Variants in LIX1 observed in about 807,000 individuals in gnomAD.
LIX1 encodes protein limb expression 1 homolog.
In LIX1, 24 loss-of-function variants were observed where a neutral mutation model predicts 33.4. The observed-to-expected ratio is 0.72, with a 90% CI of 0.52 to 1.01. The LOEUF (loss-of-function observed/expected upper bound fraction) is 1.01, where lower values mean the gene tolerates loss of function less well. Among genes scored for constraint, LIX1 ranks in the 50% least tolerant of loss-of-function variants. The pLI is 0.00. For missense variants in LIX1, 311 were observed against 339.2 expected, an observed-to-expected ratio of 0.92 and a Z score of 0.65; for synonymous variants, 124 against 124.0, an observed-to-expected ratio of 1.00 and a Z score of 0.00.
Position 97,124,550 on chromosome 5 carries a change from C to G in LIX1, c.162G>C (p.Val54=), listed in dbSNP as rs1378511326. ...CAGGAGCTGGCAGTGACTCATAGAC[C>G]ACCACACCTTCACTTGGGAATGCAG... ...QKAAFPSEGV[V]VYESLPAPGP... is the part of the protein sequence containing the mutation. The change falls in exon 2 of 6, where the codon GTG becomes GTC. Residue 54 remains valine, a synonymous_variant. Coordinates refer to ENST00000274382, the MANE Select transcript of LIX1 (RefSeq NM_153234.5). 6.2e-7 allele frequency: 1 copy of G among 1,612,264 alleles called. No individual in the cohort carries two copies. The highest frequency in any genetic ancestry group is 8.5e-7 in the Non-Finnish European group (1 of 1,178,960).
Position 97,124,531 on chromosome 5 carries a change from C to T in LIX1, c.181G>A (p.Ala61Thr). The T allele has an allele frequency of 6.2e-7, 1 of 1,612,674 alleles. No homozygotes were observed. Residue 61 changes from alanine (A) to threonine (T), a missense_variant, in exon 2 of 6, where the codon GCT (alanine) becomes ACT (threonine). Physicochemically the swap from Ala to Thr is moderately conservative, Grantham distance 58 (BLOSUM62 0). Transcript: ENST00000274382. ...EGVVVYESLP[A>T]PGPPFVSYVT... Reference sequence around the variant, plus strand: ...TAACTCACAAAGGGAGGCCCAGGAGCTGGCAGTGACTCATAGACCACCACA... The same window carrying T: ...TAACTCACAAAGGGAGGCCCAGGAGTTGGCAGTGACTCATAGACCACCACA...
At chr5:97,140,775 A>T (rs1031678831) in intron 1 of LIX1, among the ~76,000 whole-genome samples, 5 of 152,246 alleles carry the variant, frequency 3.3e-5, no homozygotes, top group Non-Finnish European at 7.3e-5. Context: ...TTAGAAAAGA[A>T]GGGAGAGAAT....
chr5:97,112,563 G>A (rs1243159715), intron 2 of LIX1, among the ~76,000 whole-genome samples: 1 of 152,080 alleles, frequency 6.6e-6, no homozygotes, highest in Non-Finnish European at 1.5e-5. Flanking sequence ...TGTTAATATA[G>A]AAGGACAACT....
chr5:97,100,549 C>T (rs895969097), intron 4 of LIX1, among the ~76,000 whole-genome samples: 1 of 151,846 alleles, frequency 6.6e-6, no homozygotes, highest in African/African-American at 2.4e-5. Context: ...TCTTTATTTC[C>T]CCTCATAAGA....
intron 1 of LIX1, among the ~76,000 whole-genome samples, chr5:97,125,591 T>C (rs1747896581): frequency 1.3e-5 from 2 of 152,204 alleles, no homozygotes; most frequent in Non-Finnish European, 2.9e-5. Flanking sequence ...GAAATCTGCT[T>C]TCCTGTAAGG....
At chr5:97,141,935 C>T (rs564013122) in intron 1 of LIX1, among the ~76,000 whole-genome samples, 1 of 152,150 alleles carries the variant, frequency 6.6e-6, no homozygotes, top group Non-Finnish European at 1.5e-5. Flanking sequence ...AGGGGGTCCA[C>T]ACAGGGAGTG....
In LIX1 at chr5:97,142,560, T is replaced by C. The variant is rs1561508131; in HGVS notation, c.17A>G (p.Glu6Gly). 1 of 1,614,018 alleles carries C rather than the reference T, an allele frequency of 6.2e-7. No homozygotes were observed. The change falls in exon 1 of 6, where the codon GAA (glutamate) becomes GGA (glycine). Residue 6 changes from glutamate to glycine, a missense_variant. Transcript: ENST00000274382. ...TTGGGCAATGATGTGTCTCAGAGAT[T>C]CCAAGGTTCTGTCCATCTTGGGTCT... Reference protein sequence around the residue: MDRTLESLRHIIAQVL... With the variant: MDRTLGSLRHIIAQVL...
chr5:97,141,769 G>A (rs1245959300), intron 1 of LIX1, among the ~76,000 whole-genome samples: 1 of 152,190 alleles, frequency 6.6e-6, no homozygotes, highest in Non-Finnish European at 1.5e-5. Flanking sequence ...CTGTTTTGCA[G>A]CAGCAGGAAA....
At chr5:97,115,330 T>C (rs890260448) in intron 2 of LIX1, among the ~76,000 whole-genome samples, 4 of 152,222 alleles carry the variant, frequency 2.6e-5, no homozygotes, top group African/African-American at 9.6e-5. Context: ...GTGAAATACT[T>C]TAAAACTATC....
At chr5:97,101,672 G>C (rs1221446259) in intron 4 of LIX1, 1 of 152,102 alleles carries the variant, frequency 6.6e-6, no homozygotes, top group African/African-American at 2.4e-5. Flanking sequence ...GCCTTTCCTG[G>C]GGTTGCCTCT....
At chr5:97,117,721 G>A (rs1240440717) in intron 2 of LIX1, among the ~76,000 whole-genome samples, 2 of 152,100 alleles carry the variant, frequency 1.3e-5, no homozygotes, top group African/African-American at 4.8e-5. Flanking sequence ...ATGCTCCTTG[G>A]AAAAATAGTT....
intron 5 of LIX1, among the ~76,000 whole-genome samples, chr5:97,096,250 A>G (rs765449592): frequency 2.6e-5 from 4 of 152,220 alleles, no homozygotes; most frequent in Admixed American, 6.5e-5. Context: ...CTCATAAATA[A>G]CAAAGAAATA....
At chr5:97,116,869 T>G (rs906303923) in intron 2 of LIX1, among the ~76,000 whole-genome samples, 2 of 152,088 alleles carry the variant, frequency 1.3e-5, no homozygotes, top group African/African-American at 4.8e-5. Flanking sequence ...GTGAGCATCT[T>G]TCTAAAGTTT....
At chr5:97,105,369 C>G in intron 3 of LIX1, 84 bp from the exon 4 acceptor site, 2 of 1,144,466 alleles carry the variant, frequency 1.7e-6, no homozygotes, top group Non-Finnish European at 2.6e-6. Context: ...TGTGACCACA[C>G]AGTAAGCCTA....
At chr5:97,132,780 G>A (rs1345329474) in intron 1 of LIX1, among the ~76,000 whole-genome samples, 1 of 152,198 alleles carries the variant, frequency 6.6e-6, no homozygotes, top group African/African-American at 2.4e-5. Context: ...GAGAGAATGT[G>A]TGGTTGCTCT....
At chr5:97,122,018 C>A (rs1303931446) in intron 2 of LIX1, among the ~76,000 whole-genome samples, 5 of 152,126 alleles carry the variant, frequency 3.3e-5, no homozygotes, top group African/African-American at 1.2e-4. Flanking sequence ...CTTTCTTTCC[C>A]CTTCGCTGCC....
At chr5:97,141,169 A>G (rs1406159293) in intron 1 of LIX1, among the ~76,000 whole-genome samples, 4 of 152,174 alleles carry the variant, frequency 2.6e-5, no homozygotes, top group African/African-American at 9.7e-5. Context: ...GCTCAGCATA[A>G]GAACCCTGGT....
At chr5:97,129,327 A>T (rs1345549327) in intron 1 of LIX1, among the ~76,000 whole-genome samples, 1 of 152,204 alleles carries the variant, frequency 6.6e-6, no homozygotes, top group Non-Finnish European at 1.5e-5. Flanking sequence ...ATCACTTGGG[A>T]ACTTGTTAAA....
intron 1 of LIX1, among the ~76,000 whole-genome samples, chr5:97,128,821 A>C (rs1747990505): frequency 6.6e-6 from 1 of 152,112 alleles, no homozygotes; most frequent in African/African-American, 2.4e-5. Flanking sequence ...CTTTCAGTCT[A>C]TACTGCCATT....
Sources: gnomAD v4.1 joint callset for allele counts (sites outside exome capture counted in the v4.1 genomes callset) on GRCh38, gnomAD v4.1.1 for gene constraint, MANE v1.5 for transcripts, NCBI Gene and HGNC (gene_info 2026-07-23, HGNC 2026-07-21) for gene names.